The following NSD2 variants were observed in gnomAD, a reference collection of about 807,000 sequenced individuals.
NSD2 encodes nuclear receptor binding SET domain protein 2.
Under a neutral mutation model 139.0 loss-of-function variants are expected in NSD2, and 12 were observed. The ratio of observed to expected loss-of-function variants is 0.09; its 90% CI spans 0.06 to 0.14. NSD2 has a LOEUF of 0.14. Ranked by LOEUF, NSD2 falls within the 10% of genes least tolerant of loss-of-function variation. The probability of loss-of-function intolerance (pLI) is 1.00; values close to 1 mark genes in which losing one functional copy is unlikely to be tolerated. For synonymous variants in NSD2, 669 were observed against 648.7 expected (o/e 1.03, Z -0.48); for missense variants, 1,155 against 1,745.0 (o/e 0.66, Z 6.02).
At chr4:1,873,571 A>G (rs904684748) in intron 1 of NSD2, among the ~76,000 whole-genome samples, 1 of 152,220 alleles carries the variant, frequency 6.6e-6, no homozygotes, top group African/African-American at 2.4e-5. Flanking sequence ...TAATCTGAAT[A>G]GGTAGAAGAC....
rs1279198118 is a variant in NSD2 at position 1,955,151 on chromosome 4, TTG to T, written c.2339-9_2339-8del. On this transcript the variant is annotated splice_polypyrimidine_tract_variant and splice_region_variant and intron_variant, in intron 12 of 21. Coordinates refer to ENST00000508803, the MANE Select transcript of NSD2 (RefSeq NM_001042424.3). This position sits in a 1 kb window ranked among gnomAD's most constrained non-coding sequence, Gnocchi z 4.7. ...TTTGGGGTCCTTAGGGTGTGTTTCT[TTG>T]CCTTCAGGTAAAATGATGCGGTGTG... 1 of 1,592,980 alleles carries T rather than the reference TTG, an allele frequency of 6.3e-7. No homozygotes were observed. Among genetic ancestry groups the T allele is most frequent in the Non-Finnish European group, 8.6e-7 (1 of 1,162,178 alleles).
rs956812837 is a variant in NSD2, at chr4:1,976,943, C to T, written c.3826+264C>T. 6.6e-6 allele frequency among the ~76,000 whole-genome samples: 1 copy of T among 152,264 alleles called. No homozygotes were observed. The highest frequency in any genetic ancestry group is 1.5e-5 in the Non-Finnish European group (1 of 68,048). On this transcript the variant is annotated intron_variant, in intron 21 of 21. Transcript: ENST00000508803. The surrounding 1 kb of genome is among the most constrained non-coding windows in gnomAD (Gnocchi z 5.3). The stretch of plus-strand genomic sequence containing the variant: ...CAGGAGGGATTCAGGCAGCCCAAGG[C>T]CCAGCTGCAGAATTGGGGCCCTCAT...
chr4:1,913,357 G>A (rs747741669), intron 3 of NSD2, among the ~76,000 whole-genome samples: 1 of 152,220 alleles, frequency 6.6e-6, no homozygotes, highest in Non-Finnish European at 1.5e-5. Context: ...GGGAGTTAGA[G>A]AAGACTCTGC....
At chr4:1,940,253 G>T in intron 9 of NSD2, 1 of 1,075,860 alleles carries the variant, frequency 9.3e-7, no homozygotes, top group South Asian at 4.3e-5. Flanking sequence ...AGATTTCTTT[G>T]TTCTCATGCA....
At chr4:1,975,079 G>T in intron 19 of NSD2, 75 bp downstream of exon 19, 1 of 1,601,836 alleles carries the variant, frequency 6.2e-7, no homozygotes. Flanking sequence ...GCTGCGTGGG[G>T]CTGGACTGGA....
rs964754731 is a variant in NSD2, at chr4:1,952,934, A to G, written c.2138-390A>G. On this transcript the variant is annotated intron_variant, in intron 11 of 21. Transcript: ENST00000508803. ...GCAGCCCCACAGCAGCACCTCACTT[A>G]TGGGAGTGTCTGTCTGCCTGCCCAG... 1.3e-5 allele frequency: 18 copies of G among 1,421,284 alleles called. No individual in the cohort carries two copies. In the Admixed American group the frequency reaches 1.7e-4, roughly 14 times the overall value. 88.0% of individuals were successfully genotyped at this position (1,421,284 alleles called of 1,614,324 possible).
chr4:1,936,210 G>A (rs1362931472), intron 7 of NSD2, among the ~76,000 whole-genome samples: 1 of 152,144 alleles, frequency 6.6e-6, no homozygotes, highest in East Asian at 1.9e-4. Context: ...GAAACACCGG[G>A]TTATTCTGTC....
Position 1,981,535 on chromosome 4 carries a change from T to C in NSD2, c.*2626T>C, listed in dbSNP as rs767403521. 9 of 292,710 alleles carry C rather than the reference T, an allele frequency of 3.1e-5. No individual in the cohort carries two copies. Among genetic ancestry groups the C allele is most frequent in the Admixed American group, 1.5e-4 (3 of 19,444 alleles). The allele number at this position is 292,710 out of a possible 1,614,324, so 18.1% of individuals were successfully genotyped here. On this transcript the variant is annotated 3_prime_UTR_variant, in exon 22 of 22. Transcript: ENST00000508803. ...GCACCTAAACCCATACCCACCCGTG[T>C]GCGCCCACAGGGGGATGTGTCCGAA...
In NSD2 at chr4:1,934,613, G is replaced by T. The variant is rs534717731; in HGVS notation, c.1556-531G>T. On this transcript the variant is annotated intron_variant, in intron 6 of 21. Transcript: ENST00000508803. ...GCCTGTAATCCCAGCACTTTGGGAG[G>T]CCGAGGCAGGCGGATCACGAGGACA... Among the ~76,000 whole-genome samples, 256 of 149,968 alleles carry T rather than the reference G, an allele frequency of 1.7e-3. 1 individual carries two copies. Among genetic ancestry groups the T allele is most frequent in the African/African-American group, 6.0e-3 (245 of 41,042 alleles).
chr4:1,969,120 C>A (rs1181459157), intron 18 of NSD2, among the ~76,000 whole-genome samples: 1 of 152,222 alleles, frequency 6.6e-6, no homozygotes, highest in Non-Finnish European at 1.5e-5. Context: ...CACCTGGGGC[C>A]TGCCCCCAGC....
intron 4 of NSD2, among the ~76,000 whole-genome samples, chr4:1,917,265 G>C (rs184381018): frequency 6.1e-4 from 93 of 151,982 alleles, no homozygotes; most frequent in African/African-American, 2.1e-3. Context: ...GAGATAACTT[G>C]TTTTAGAATT....
rs1348293255 is a variant in NSD2, at chr4:1,972,854, A to T, written c.3373-2009A>T. Among the ~76,000 whole-genome samples the T allele has an allele frequency of 6.6e-6, 1 of 151,362 alleles. No individual in the cohort carries two copies. Among genetic ancestry groups the T allele is most frequent in the Non-Finnish European group, 1.5e-5 (1 of 67,790 alleles). ...GAAGCTATGGGAAAGTTTTTGACAC[A>T]TTTTTTTTTCTTTTTGGAGACGGAG... is the stretch of plus-strand genomic sequence containing the variant. On this transcript the variant is annotated intron_variant, in intron 18 of 21. Transcript: ENST00000508803. This position sits in a 1 kb window ranked among gnomAD's most constrained non-coding sequence, Gnocchi z 4.0.
intron 1 of NSD2, among the ~76,000 whole-genome samples, chr4:1,896,355 C>T (rs955309727): frequency 6.6e-6 from 1 of 152,238 alleles, no homozygotes; most frequent in Admixed American, 6.5e-5. Flanking sequence ...ATTTCTAGAC[C>T]TGGAGATTCT....
At chr4:1,934,847 TAAAAAAAAA>T (rs34096276) in intron 6 of NSD2, among the ~76,000 whole-genome samples, 5 of 20,706 alleles carry the variant, frequency 2.4e-4, no homozygotes, top group Admixed American at 1.4e-3. Context: ...GACTCCATCT[TAAAAAAAAA>T]AAAAAAAAAA....
chr4:1,907,189 A>G (rs1224057715), intron 3 of NSD2, among the ~76,000 whole-genome samples: 2 of 151,950 alleles, frequency 1.3e-5, no homozygotes, highest in East Asian at 1.9e-4. Flanking sequence ...CTTCATGGAA[A>G]GGTCTTAATG....
rs1412176684 is a variant in NSD2, at chr4:1,958,562, C to G, written c.2985+526C>G. 3.3e-5 allele frequency among the ~76,000 whole-genome samples: 5 copies of G among 152,368 alleles called. No homozygotes were observed. The East Asian group carries it at 9.7e-4, about 29-fold the overall frequency. On this transcript the variant is annotated intron_variant, in intron 16 of 21. Transcript: ENST00000508803. The surrounding 1 kb of genome is among the most constrained non-coding windows in gnomAD (Gnocchi z 4.6). Reference sequence around the variant, plus strand: ...CAGGCCCCTCAGGGCTGCCTGCGCTCAGAGCTGGTGCGGCAAGCCGCATCC... The same window carrying G: ...CAGGCCCCTCAGGGCTGCCTGCGCTGAGAGCTGGTGCGGCAAGCCGCATCC...
chr4:1,977,272 C>T (rs1449338614), intron 21 of NSD2, among the ~76,000 whole-genome samples: 2 of 152,210 alleles, frequency 1.3e-5, no homozygotes, highest in African/African-American at 2.4e-5. Context: ...AGATGACAGG[C>T]GCCAGTGGGA....
intron 2 of NSD2, 77 bp from the exon 3 acceptor site, chr4:1,904,139 T>C (rs536950010): frequency 3.3e-6 from 5 of 1,497,566 alleles, no homozygotes; most frequent in South Asian, 2.5e-5. Flanking sequence ...CATTGTAGCC[T>C]GGTGAATCCT....
intron 1 of NSD2, among the ~76,000 whole-genome samples, chr4:1,883,714 G>C (rs1392732843): frequency 9.9e-5 from 15 of 152,018 alleles, no homozygotes; most frequent in Non-Finnish European, 1.5e-5. Flanking sequence ...CCCAGCTGTA[G>C]TGGAAGCCCC....
Sources: allele counts gnomAD v4.1 joint callset (sites outside exome capture counted in the v4.1 genomes callset), GRCh38; gene constraint gnomAD v4.1.1; non-coding constraint Gnocchi (gnomAD v3.1); transcripts MANE v1.5; gene names NCBI Gene and HGNC (gene_info 2026-07-23, HGNC 2026-07-21).